RAB27A: variants seen among roughly 807,000 people sequenced by gnomAD.
RAB27A encodes RAB27A, member RAS oncogene family, also known as ras-related protein Rab-27A.
In RAB27A, 17 loss-of-function variants were observed where a neutral mutation model predicts 20.8. The ratio of observed to expected loss-of-function variants is 0.82; its 90% CI spans 0.56 to 1.23. RAB27A has a LOEUF of 1.23. Among genes scored for constraint, RAB27A ranks in the 50% most tolerant of loss-of-function variants. The probability of loss-of-function intolerance (pLI) is 0.00; values close to 1 mark genes in which losing one functional copy is unlikely to be tolerated. For missense variants in RAB27A, 277 were observed against 266.7 expected (o/e 1.04, Z -0.27); for synonymous variants, 85 against 92.8 (o/e 0.92, Z 0.48).
At chr15:55,281,288 C>T (rs552804434) in intron 1 of RAB27A, among the ~76,000 whole-genome samples, 2 of 152,308 alleles carry the variant, frequency 1.3e-5, no homozygotes, top group Admixed American at 6.5e-5. Context: ...TAGCCTTCTC[C>T]TTTTATATTT....
At chr15:55,214,236 A>G (rs1566899990) in intron 6 of RAB27A, among the ~76,000 whole-genome samples, 1 of 152,164 alleles carries the variant, frequency 6.6e-6, no homozygotes, top group Non-Finnish European at 1.5e-5. Flanking sequence ...GGAGATCGAG[A>G]CCATCCTGGC....
chr15:55,213,266 T>C (rs576515502), intron 6 of RAB27A, among the ~76,000 whole-genome samples: 117 of 152,256 alleles, frequency 7.7e-4, no homozygotes, highest in Non-Finnish European at 1.5e-3. Flanking sequence ...TGTTTTTGTT[T>C]TTCTGTATTC....
chr15:55,318,098 C>CTT (rs200901102), intron 1 of RAB27A, among the ~76,000 whole-genome samples: 10 of 131,418 alleles, frequency 7.6e-5, no homozygotes, highest in Non-Finnish European at 1.4e-4. Context: ...CATACTTTTT[C>CTT]TTTTTTTTTT....
intron 2 of RAB27A, among the ~76,000 whole-genome samples, chr15:55,308,977 A>G (rs1025970739): frequency 6.6e-6 from 1 of 152,198 alleles, no homozygotes; most frequent in African/African-American, 2.4e-5. Context: ...GGACCTGTGT[A>G]AGGACTCCTA....
rs1465157601 is a variant in RAB27A at position 55,215,709 on chromosome 15, C to A, written c.467+8180G>T. 7.3e-5 allele frequency among the ~76,000 whole-genome samples: 11 copies of A among 150,252 alleles called. No homozygotes were observed. In the East Asian group the frequency reaches 1.8e-3, roughly 24 times the overall value. On this transcript the variant is annotated intron_variant, in intron 6 of 6. Coordinates refer to ENST00000336787, the MANE Select transcript of RAB27A (RefSeq NM_183235.3). ...GGGCGCGGTAGCTCACGCCTGTAAT[C>A]CCAGCACTTTGGGAGGCTGAGACGG...
intron 2 of RAB27A, among the ~76,000 whole-genome samples, chr15:55,305,156 A>G (rs1413123848): frequency 6.6e-6 from 1 of 152,194 alleles, no homozygotes; most frequent in Non-Finnish European, 1.5e-5. Context: ...CTTCCCAGCT[A>G]GGCTTAGGGA....
intron 1 of RAB27A, among the ~76,000 whole-genome samples, chr15:55,276,741 G>C (rs1897884501): frequency 6.6e-6 from 1 of 152,124 alleles, no homozygotes; most frequent in African/African-American, 2.4e-5. Context: ...ATACAGTATA[G>C]TGTCTATAGC....
chr15:55,314,813 C>A (rs2055036201), intron 1 of RAB27A, among the ~76,000 whole-genome samples: 1 of 152,158 alleles, frequency 6.6e-6, no homozygotes, highest in Non-Finnish European at 1.5e-5. Flanking sequence ...TAGGAAGAAT[C>A]AATCATGAAA....
At chr15:55,222,803 T>C (rs1476470328) in intron 6 of RAB27A, among the ~76,000 whole-genome samples, 2 of 152,102 alleles carry the variant, frequency 1.3e-5, no homozygotes, top group Non-Finnish European at 2.9e-5. Flanking sequence ...TCTATTTCCC[T>C]CCCCTCCCTT....
At chr15:55,312,205 A>G (rs2055024590) in intron 2 of RAB27A, among the ~76,000 whole-genome samples, 1 of 152,162 alleles carries the variant, frequency 6.6e-6, no homozygotes, top group Non-Finnish European at 1.5e-5. Context: ...CTGGATCCGG[A>G]GGGATGGAAG....
chr15:55,302,722 C>T (rs1306875453), intron 2 of RAB27A, among the ~76,000 whole-genome samples: 4 of 118,284 alleles, frequency 3.4e-5, no homozygotes, highest in South Asian at 5.8e-4. Context: ...GCCTCTGCCC[C>T]GCCGCCCCAT....
intron 6 of RAB27A, among the ~76,000 whole-genome samples, chr15:55,223,008 G>A (rs1448608330): frequency 6.6e-6 from 1 of 152,094 alleles, no homozygotes; most frequent in Non-Finnish European, 1.5e-5. Flanking sequence ...TGCTGCTGCT[G>A]CTGCTATGAT....
chr15:55,211,973 T>G (rs989951575), intron 6 of RAB27A, among the ~76,000 whole-genome samples: 2 of 151,834 alleles, frequency 1.3e-5, no homozygotes, highest in Non-Finnish European at 2.9e-5. Context: ...TTTTTTTTTT[T>G]TTTTTAGCTT....
chr15:55,217,754 T>C (rs1895379247), intron 6 of RAB27A, among the ~76,000 whole-genome samples: 1 of 148,832 alleles, frequency 6.7e-6, no homozygotes, highest in African/African-American at 2.5e-5. Flanking sequence ...GTTCCTTTTC[T>C]CCACATGGTG....
intron 2 of RAB27A, among the ~76,000 whole-genome samples, chr15:55,303,197 C>T (rs1405618348): frequency 3.0e-5 from 3 of 100,970 alleles, no homozygotes; most frequent in South Asian, 3.6e-4. Flanking sequence ...TCTGCCCGGC[C>T]GCCCCTACTG....
intron 4 of RAB27A, among the ~76,000 whole-genome samples, chr15:55,230,134 GA>G (rs1895972472): frequency 6.6e-6 from 1 of 151,952 alleles, no homozygotes; most frequent in Admixed American, 6.6e-5. Context: ...ATAGCAAAAG[GA>G]AATGGAGCAA....
intron 2 of RAB27A, among the ~76,000 whole-genome samples, chr15:55,304,717 A>G (rs1231870217): frequency 2.6e-5 from 4 of 152,204 alleles, no homozygotes; most frequent in Non-Finnish European, 4.4e-5. Context: ...ATATTCCATT[A>G]TACGGAAATA....
At chr15:55,246,573 T>C (rs1896694551) in intron 2 of RAB27A, among the ~76,000 whole-genome samples, 1 of 151,890 alleles carries the variant, frequency 6.6e-6, no homozygotes, top group East Asian at 1.9e-4. Flanking sequence ...ACTTATAGTT[T>C]GTGACAAGTA....
intron 3 of RAB27A, among the ~76,000 whole-genome samples, chr15:55,234,464 G>A (rs1461255936): frequency 6.6e-6 from 1 of 152,188 alleles, no homozygotes; most frequent in Non-Finnish European, 1.5e-5. Flanking sequence ...AGTATGAGGG[G>A]CAAGGTGGTT....
Sources: gnomAD v4.1 joint callset for allele counts (sites outside exome capture counted in the v4.1 genomes callset) on GRCh38, gnomAD v4.1.1 for gene constraint, MANE v1.5 for transcripts, NCBI Gene and HGNC (gene_info 2026-07-23, HGNC 2026-07-21) for gene names.